Variants in RSL1D1 observed in about 807,000 individuals in gnomAD.
RSL1D1 encodes ribosomal L1 domain containing 1.
In RSL1D1, 34 loss-of-function variants were observed where a neutral mutation model predicts 44.6. The ratio of observed to expected loss-of-function variants is 0.76; its 90% CI spans 0.58 to 1.02. RSL1D1 has a LOEUF of 1.02. Ranked by LOEUF, RSL1D1 falls within the 50% of genes least tolerant of loss-of-function variation. RSL1D1 has a pLI of 0.00. For missense variants in RSL1D1, 767 were observed against 568.1 expected (o/e 1.35, Z -3.56); for synonymous variants, 271 against 207.4 (o/e 1.31, Z -2.63).
intron 3 of RSL1D1, 80 bp downstream of exon 3, chr16:11,847,588 A>T (rs1463806655): frequency 1.8e-5 from 21 of 1,162,058 alleles, no homozygotes; most frequent in Non-Finnish European, 2.6e-5. Context: ...ATACTAGGAA[A>T]TATAGCAATG....
In RSL1D1 at chr16:11,835,421, G is replaced by C. The variant is rs1262214898; in HGVS notation, c.*2366C>G. ...GGTCTCAGAACTCCTGGCCTCAAGT[G>C]ATCTGCCAGCCTTGGCTGGGATTAC... On this transcript the variant is annotated 3_prime_UTR_variant, in exon 9 of 9. Transcript: ENST00000571133. The C allele has an allele frequency of 6.6e-6, 1 of 152,154 alleles. No individual in the cohort carries two copies. Among genetic ancestry groups the C allele is most frequent in the Non-Finnish European group, 1.5e-5 (1 of 68,114 alleles). 9.4% of individuals were successfully genotyped at this position (152,154 alleles called of 1,614,324 possible). A position where few individuals can be genotyped will look rare whatever the true frequency, so the allele number is the denominator to read the frequency against.
Position 11,837,939 on chromosome 16 carries a change from C to G in RSL1D1, c.1321G>C (p.Glu441Gln). 6.2e-7 allele frequency: 1 copy of G among 1,613,772 alleles called. No individual in the cohort carries two copies. The highest frequency in any genetic ancestry group is 8.5e-7 in the Non-Finnish European group (1 of 1,179,964). ...TTTTTCCCCAGCGAAGGACTTTTTT[C>G]CTTCACTGCCTCTTCTTTGATTTTT... ...KPKIKEEAVK[E>Q]KSPSLGKKDA... The change falls in exon 9 of 9, where the codon GAA becomes CAA. Residue 441 changes from glutamate to glutamine, a missense_variant. Physicochemically the swap from Glu to Gln is conservative, Grantham distance 29 (BLOSUM62 2). Coordinates refer to ENST00000571133, the MANE Select transcript of RSL1D1 (RefSeq NM_015659.3).
chr16:11,839,004 T>A (rs984248528), intron 8 of RSL1D1, among the ~76,000 whole-genome samples: 3 of 151,770 alleles, frequency 2.0e-5, no homozygotes, highest in Non-Finnish European at 4.4e-5. Context: ...AAATCCTGAG[T>A]CTTCCAAATG....
chr16:11,848,010 G>C (rs1162899688), intron 2 of RSL1D1, among the ~76,000 whole-genome samples: 1 of 152,086 alleles, frequency 6.6e-6, no homozygotes, highest in Non-Finnish European at 1.5e-5. Context: ...CCACACTTTA[G>C]GGAGGCCAAG....
At position 11,846,485 on chromosome 16, in the gene RSL1D1, A is replaced by G; in HGVS notation, c.635+16T>C. 8.3e-7 allele frequency: 1 copy of G among 1,210,838 alleles called. No homozygotes were observed. The highest frequency in any genetic ancestry group is 1.3e-5 in the South Asian group (1 of 77,070). 75.0% of individuals were successfully genotyped at this position (1,210,838 alleles called of 1,614,324 possible). ...TACAAGATTAAAAGAGGCACACATG[A>G]ATGCCTTTTACCTACCTGCAAGAAC... On this transcript the variant is annotated intron_variant, in intron 5 of 8. Transcript: ENST00000571133.
rs1224257811 is a variant in RSL1D1, at chr16:11,846,542, T to C, written c.594A>G (p.Ile198Met). ...TAGAAATGTTTAAGACTGTTCCACCTATACAGTCATTGATCTCTCTTGATA... is the reference window on the plus strand; with the variant it reads ...TAGAAATGTTTAAGACTGTTCCACCCATACAGTCATTGATCTCTCTTGATA... ...KNLSREINDCIGGTVLNISKS... is the reference protein window; with the variant it reads ...KNLSREINDCMGGTVLNISKS... The change falls in exon 5 of 9, where the codon ATA becomes ATG. Residue 198 changes from isoleucine (I) to methionine (M), a missense_variant. Physicochemically the swap from Ile to Met is conservative, Grantham distance 10. Coordinates refer to ENST00000571133, the MANE Select transcript of RSL1D1 (RefSeq NM_015659.3). 6.2e-7 allele frequency: 1 copy of C among 1,606,370 alleles called. No homozygotes were observed.
At position 11,837,335 on chromosome 16, in the gene RSL1D1, TATGTC is replaced by T. The variant is rs1336593988; in HGVS notation, c.*447_*451del. On this transcript the variant is annotated 3_prime_UTR_variant, in exon 9 of 9. Coordinates refer to ENST00000571133, the MANE Select transcript of RSL1D1 (RefSeq NM_015659.3). ...TAGAAACAGATTATACCCAGGAACA[TATGTC>T]AGGATTACTTATGGAGGTTTTATTA... 6.5e-6 allele frequency: 1 copy of T among 152,750 alleles called. No individual in the cohort carries two copies. Among genetic ancestry groups the T allele is most frequent in the African/African-American group, 2.5e-5 (1 of 39,490 alleles). The allele number at this position is 152,750 out of a possible 1,614,324, so 9.5% of individuals were successfully genotyped here.
intron 1 of RSL1D1, 99 bp downstream of exon 1, chr16:11,851,309 G>A (rs2053835848): frequency 1.8e-6 from 2 of 1,129,536 alleles, no homozygotes; most frequent in Middle Eastern, 2.1e-4. Flanking sequence ...CCACAGCCCC[G>A]GGGAAGTCCG....
rs1567421183 is a variant in RSL1D1 at position 11,847,807 on chromosome 16, C to CTA, written c.246-3_246-2dup. The stretch of plus-strand genomic sequence containing the variant: ...TGATCGAATACTATGAGGCAAGGTC[C>CTA]TACAAAATACGTGAAAAGAAACCGA... On this transcript the variant is annotated splice_acceptor_variant, in intron 2 of 8. Coordinates refer to ENST00000571133, the MANE Select transcript of RSL1D1 (RefSeq NM_015659.3). LOFTEE classifies it high-confidence loss of function. 1 of 1,612,048 alleles carries CTA rather than the reference C, an allele frequency of 6.2e-7. No individual in the cohort carries two copies. The highest frequency in any genetic ancestry group is 8.5e-7 in the Non-Finnish European group (1 of 1,179,390).
rs534239350 is a variant in RSL1D1, at chr16:11,836,163, G to T, written c.*1624C>A. On this transcript the variant is annotated 3_prime_UTR_variant, in exon 9 of 9. Coordinates refer to ENST00000571133, the MANE Select transcript of RSL1D1 (RefSeq NM_015659.3). ...ATTCTCACCATCTGTTTCTTTGTTG[G>T]ATTACCAATAAATAGTGTGGGCTCC... is the stretch of plus-strand genomic sequence containing the variant. The T allele has an allele frequency of 6.6e-6, 1 of 152,254 alleles. No homozygotes were observed. The highest frequency in any genetic ancestry group is 2.4e-5 in the African/African-American group (1 of 41,532). The allele number at this position is 152,254 out of a possible 1,614,324, so 9.4% of individuals were successfully genotyped here. A position where few individuals can be genotyped will look rare whatever the true frequency, so the allele number is the denominator to read the frequency against.
In RSL1D1 at chr16:11,834,703, A is replaced by G. The variant is rs1036821565; in HGVS notation, c.*3084T>C. 2 of 152,236 alleles carry G rather than the reference A, an allele frequency of 1.3e-5. No individual in the cohort carries two copies. The highest frequency in any genetic ancestry group is 2.4e-5 in the African/African-American group (1 of 41,466). 9.4% of individuals were successfully genotyped at this position (152,236 alleles called of 1,614,324 possible). A position where few individuals can be genotyped will look rare whatever the true frequency, so the allele number is the denominator to read the frequency against. ...AAACAATCAATTAAGCTAAACCCCC[A>G]CATTTTAGATGTATATTCATTTATA... On this transcript the variant is annotated 3_prime_UTR_variant, in exon 9 of 9. Coordinates refer to ENST00000571133, the MANE Select transcript of RSL1D1 (RefSeq NM_015659.3).
At chr16:11,844,781 C>G (rs151002315) in intron 5 of RSL1D1, among the ~76,000 whole-genome samples, 1 of 152,334 alleles carries the variant, frequency 6.6e-6, no homozygotes, top group African/African-American at 2.4e-5. Context: ...AGCTAGCCAT[C>G]TCCACACCGC....
chr16:11,847,933 T>A, intron 2 of RSL1D1, 127 bp from the exon 3 acceptor site: 1 of 930,098 alleles, frequency 1.1e-6, no homozygotes, highest in African/African-American at 1.7e-5. Context: ...GTTAAGCAAA[T>A]AATGCACCAA....
chr16:11,835,103 C>T lies in RSL1D1; in HGVS notation c.*2684G>A, dbSNP rs748918430. Reference sequence around the variant, plus strand: ...AGCCTGGGGAACAGAGTAAGACCATCTCCCCCACTGCCCGCTACTCTCGCT... The same window carrying T: ...AGCCTGGGGAACAGAGTAAGACCATTTCCCCCACTGCCCGCTACTCTCGCT... On this transcript the variant is annotated 3_prime_UTR_variant, in exon 9 of 9. Coordinates refer to ENST00000571133, the MANE Select transcript of RSL1D1 (RefSeq NM_015659.3). The T allele has an allele frequency of 6.6e-6, 1 of 152,168 alleles. No homozygotes were observed. The highest frequency in any genetic ancestry group is 1.5e-5 in the Non-Finnish European group (1 of 68,076). The allele number at this position is 152,168 out of a possible 1,614,324, so 9.4% of individuals were successfully genotyped here. A position where few individuals can be genotyped will look rare whatever the true frequency, so the allele number is the denominator to read the frequency against.
intron 2 of RSL1D1, 116 bp downstream of exon 2, chr16:11,850,163 G>C (rs755989458): frequency 9.8e-7 from 1 of 1,017,548 alleles, no homozygotes; most frequent in African/African-American, 1.7e-5. Flanking sequence ...TTTACTTCAC[G>C]TCAGATTTTT....
At chr16:11,847,861 G>A in intron 2 of RSL1D1, 55 bp from the exon 3 acceptor site, 1 of 1,532,732 alleles carries the variant, frequency 6.5e-7, no homozygotes, top group Admixed American at 1.8e-5. Context: ...CATTATGCAT[G>A]TTTGTATCAC....
rs762292242 is a variant in RSL1D1 at position 11,838,123 on chromosome 16, A to C, written c.1147-10T>G. 1.5e-5 allele frequency: 24 copies of C among 1,558,336 alleles called. No homozygotes were observed. In the East Asian group the frequency reaches 5.4e-4, roughly 35 times the overall value. On this transcript the variant is annotated splice_polypyrimidine_tract_variant and intron_variant, in intron 8 of 8. Transcript: ENST00000571133. Reference sequence around the variant, plus strand: ...TGGCATGTTTTTGAATCTAAGAAAAAAAAAAGTAAGTTTAATATAGAAAAA... The same window carrying C: ...TGGCATGTTTTTGAATCTAAGAAAACAAAAAGTAAGTTTAATATAGAAAAA...
intron 1 of RSL1D1, 116 bp from the exon 2 acceptor site, chr16:11,850,534 C>G: frequency 8.8e-6 from 9 of 1,020,166 alleles, no homozygotes; most frequent in African/African-American, 6.6e-5. Flanking sequence ...TCTATTTTTT[C>G]CCTTCCAACT....
intron 2 of RSL1D1, among the ~76,000 whole-genome samples, chr16:11,848,640 G>T (rs761183071): frequency 6.6e-6 from 1 of 152,130 alleles, no homozygotes. Context: ...GCACGTACCA[G>T]TTGGGTGTAG....
Sources: gnomAD v4.1 joint callset for allele counts (sites outside exome capture counted in the v4.1 genomes callset) on GRCh38, gnomAD v4.1.1 for gene constraint, MANE v1.5 for transcripts, NCBI Gene and HGNC (gene_info 2026-07-23, HGNC 2026-07-21) for gene names.